Variants in ITPKB observed in about 807,000 individuals in gnomAD.
ITPKB encodes the protein inositol-trisphosphate 3-kinase B.
ITPKB carries 13 observed loss-of-function variants against 69.4 expected under a neutral mutation model. The observed-to-expected ratio is 0.19, with a 90% CI of 0.12 to 0.30. The LOEUF (loss-of-function observed/expected upper bound fraction) is 0.30. Ranked by LOEUF, ITPKB falls within the 10% of genes least tolerant of loss-of-function variation. ITPKB has a pLI of 1.00. For synonymous variants in ITPKB, 584 were observed against 513.7 expected, an observed-to-expected ratio of 1.14 and a Z score of -1.85; for missense variants, 1,240 against 1,250.5, an observed-to-expected ratio of 0.99 and a Z score of 0.13.
At chr1:226,724,415 T>A (rs1571876445) in intron 2 of ITPKB, among the ~76,000 whole-genome samples, 1 of 152,232 alleles carries the variant, frequency 6.6e-6, no homozygotes, top group Non-Finnish European at 1.5e-5. Context: ...TCAAAGAGAA[T>A]GGTGGAGGTC....
At chr1:226,730,832 G>A (rs908876053) in intron 2 of ITPKB, among the ~76,000 whole-genome samples, 1 of 152,204 alleles carries the variant, frequency 6.6e-6, no homozygotes, top group African/African-American at 2.4e-5. Context: ...TAACAGGTAT[G>A]TGCCAACAAA....
intron 2 of ITPKB, among the ~76,000 whole-genome samples, chr1:226,687,324 T>C (rs150108842): frequency 2.9e-4 from 44 of 152,230 alleles, no homozygotes; most frequent in Admixed American, 7.2e-4. Context: ...ATGGCTTCCA[T>C]CCTCGGGATG....
chr1:226,653,944 C>G (rs779346154), intron 2 of ITPKB, among the ~76,000 whole-genome samples: 1 of 152,222 alleles, frequency 6.6e-6, no homozygotes, highest in African/African-American at 2.4e-5. Context: ...ACATTTGTCA[C>G]CCCTGCCTGT....
intron 2 of ITPKB, among the ~76,000 whole-genome samples, chr1:226,722,572 T>A (rs758846229): frequency 5.3e-5 from 8 of 152,156 alleles, no homozygotes; most frequent in Non-Finnish European, 1.2e-4. Flanking sequence ...TAATTACCAT[T>A]CTGTGTATAT....
chr1:226,675,304 C>G (rs1263240181), intron 2 of ITPKB, among the ~76,000 whole-genome samples: 1 of 152,214 alleles, frequency 6.6e-6, no homozygotes, highest in Non-Finnish European at 1.5e-5. Flanking sequence ...TTTCCATTAG[C>G]AGCGTTCAAG....
intron 2 of ITPKB, among the ~76,000 whole-genome samples, chr1:226,668,047 T>A (rs1037469258): frequency 6.6e-6 from 1 of 152,142 alleles, no homozygotes; most frequent in Non-Finnish European, 1.5e-5. Flanking sequence ...GAGGGAAAAT[T>A]GTCTGTAAGG....
At chr1:226,679,064 G>A (rs1479338949) in intron 2 of ITPKB, among the ~76,000 whole-genome samples, 1 of 152,206 alleles carries the variant, frequency 6.6e-6, no homozygotes, top group African/African-American at 2.4e-5. Flanking sequence ...AGAGACTGGC[G>A]CTCATATCCC....
At chr1:226,650,400 G>A (rs1669163976) in intron 2 of ITPKB, among the ~76,000 whole-genome samples, 4 of 152,214 alleles carry the variant, frequency 2.6e-5, no homozygotes, top group South Asian at 4.1e-4. Context: ...CAAAAGGGCC[G>A]AGGCTTTACT....
chr1:226,636,586 G>A (rs1668840235), intron 7 of ITPKB, among the ~76,000 whole-genome samples: 2 of 152,236 alleles, frequency 1.3e-5, no homozygotes, highest in Admixed American at 1.3e-4. Context: ...GGCATAGGCT[G>A]AGGCTGAGGC....
At chr1:226,658,021 T>C (rs977519805) in intron 2 of ITPKB, among the ~76,000 whole-genome samples, 23 of 152,204 alleles carry the variant, frequency 1.5e-4, no homozygotes, top group Non-Finnish European at 2.8e-4. Flanking sequence ...TAACAAAGCG[T>C]CGAAAGTGGA....
intron 5 of ITPKB, 75 bp from the exon 6 acceptor site, chr1:226,639,733 C>T (rs1668915405): frequency 5.2e-6 from 5 of 966,542 alleles, no homozygotes; most frequent in Non-Finnish European, 8.4e-6. Flanking sequence ...ACCCACCCAA[C>T]ACCACAGAGC....
intron 4 of ITPKB, among the ~76,000 whole-genome samples, chr1:226,646,203 C>T (rs192086935): frequency 4.9e-4 from 74 of 152,336 alleles, no homozygotes; most frequent in East Asian, 1.3e-3. Flanking sequence ...GGCATCTGGC[C>T]GTCCAGCCCG....
At chr1:226,705,614 A>G (rs954608398) in intron 2 of ITPKB, among the ~76,000 whole-genome samples, 1 of 151,828 alleles carries the variant, frequency 6.6e-6, no homozygotes, top group Non-Finnish European at 1.5e-5. Context: ...AAATATGCAG[A>G]TGTGCCTATG....
chr1:226,660,086 C>T (rs916360343), intron 2 of ITPKB, among the ~76,000 whole-genome samples: 21 of 152,336 alleles, frequency 1.4e-4, no homozygotes, highest in Admixed American at 3.9e-4. Context: ...GGGTTTCTCT[C>T]CAGGACCCCA....
At chr1:226,686,594 C>T (rs1656221714) in intron 2 of ITPKB, among the ~76,000 whole-genome samples, 1 of 152,176 alleles carries the variant, frequency 6.6e-6, no homozygotes, top group Non-Finnish European at 1.5e-5. Context: ...GTGTAACGTG[C>T]CCTCCATCCC....
At chr1:226,683,156 C>A (rs1656126098) in intron 2 of ITPKB, among the ~76,000 whole-genome samples, 1 of 152,230 alleles carries the variant, frequency 6.6e-6, no homozygotes, top group South Asian at 2.1e-4. Context: ...AAGACACAGA[C>A]CCTGGGAATG....
intron 2 of ITPKB, among the ~76,000 whole-genome samples, chr1:226,703,664 C>G (rs949461518): frequency 6.6e-5 from 10 of 152,338 alleles, no homozygotes; most frequent in African/African-American, 2.4e-4. Flanking sequence ...AGCGGGCCCG[C>G]AGCAGAGGCA....
chr1:226,655,730 GC>G (rs1472296718), intron 2 of ITPKB, among the ~76,000 whole-genome samples: 4 of 152,196 alleles, frequency 2.6e-5, no homozygotes, highest in Non-Finnish European at 4.4e-5. Context: ...CAGCCCACAT[GC>G]CCCCTGGGGT....
chr1:226,678,005 A>C (rs1655946303), intron 2 of ITPKB, among the ~76,000 whole-genome samples: 1 of 152,194 alleles, frequency 6.6e-6, no homozygotes, highest in African/African-American at 2.4e-5. Flanking sequence ...AAGCTTGTAC[A>C]GGCATTACTT....
Sources: allele counts gnomAD v4.1 joint callset (sites outside exome capture counted in the v4.1 genomes callset), GRCh38; gene constraint gnomAD v4.1.1; transcripts MANE v1.5; gene names NCBI Gene and HGNC (gene_info 2026-07-23, HGNC 2026-07-21).